The following PRKN variants were observed in gnomAD, a reference collection of about 807,000 sequenced individuals.
PRKN encodes the protein E3 ubiquitin-protein ligase parkin.
A neutral mutation model predicts 59.5 loss-of-function variants in PRKN; 56 were observed. That is an observed-to-expected ratio of 0.94 (90% confidence interval 0.76 to 1.18). PRKN has a LOEUF of 1.18. PRKN is among the 50% of genes most tolerant of loss of function. The pLI is 0.00. For missense variants in PRKN, 657 were observed against 596.4 expected, an observed-to-expected ratio of 1.10 and a Z score of -1.06; for synonymous variants, 250 against 222.1, an observed-to-expected ratio of 1.13 and a Z score of -1.12.
At chr6:161,936,477 G>A (rs186308191) in intron 6 of PRKN, among the ~76,000 whole-genome samples, 190 of 152,236 alleles carry the variant, frequency 1.2e-3, no homozygotes, top group African/African-American at 4.3e-3. Flanking sequence ...CCAAAGTGCT[G>A]GGATTACAGG....
At chr6:162,184,320 C>T (rs181847054) in intron 4 of PRKN, among the ~76,000 whole-genome samples, 1 of 152,262 alleles carries the variant, frequency 6.6e-6, no homozygotes, top group East Asian at 1.9e-4. Context: ...TGATTACTTC[C>T]AACATTTACA....
chr6:162,229,510 G>A (rs954280568), intron 3 of PRKN, among the ~76,000 whole-genome samples: 5 of 152,116 alleles, frequency 3.3e-5, no homozygotes, highest in Non-Finnish European at 7.4e-5. Flanking sequence ...TTTTCTTTTA[G>A]AAACATGAAT....
chr6:161,740,755 C>T (rs1418986694), intron 7 of PRKN, among the ~76,000 whole-genome samples: 1 of 152,184 alleles, frequency 6.6e-6, no homozygotes. Flanking sequence ...CACATCAAGA[C>T]CTTTGACTTG....
chr6:161,515,637 T>A lies in PRKN; in HGVS notation c.1083+33217A>T, dbSNP rs1040772677. Among the ~76,000 whole-genome samples, 3 of 152,326 alleles carry A rather than the reference T, an allele frequency of 2.0e-5. No individual in the cohort carries two copies. The East Asian group carries it at 5.8e-4, about 29-fold the overall frequency. ...ACAGCAAATCCTCCTTAGGACTGAT[T>A]TAAGCATTGAATAAATAAAGTTAAA... On this transcript the variant is annotated intron_variant, in intron 9 of 11. Coordinates refer to ENST00000366898, the MANE Select transcript of PRKN (RefSeq NM_004562.3).
intron 7 of PRKN, among the ~76,000 whole-genome samples, chr6:161,734,183 T>C (rs1179924532): frequency 3.3e-5 from 5 of 152,256 alleles, no homozygotes; most frequent in South Asian, 4.1e-4. Flanking sequence ...TCGGTTTTCC[T>C]GCAAATTTTA....
At chr6:161,909,453 A>C (rs1462226366) in intron 6 of PRKN, among the ~76,000 whole-genome samples, 1 of 152,262 alleles carries the variant, frequency 6.6e-6, no homozygotes, top group Admixed American at 6.5e-5. Flanking sequence ...AAAAAAAAGA[A>C]TCTCCAGTCG....
At chr6:161,856,861 C>T (rs35261474) in intron 6 of PRKN, among the ~76,000 whole-genome samples, 34,218 of 151,994 alleles carry the variant, frequency 0.23, 4,800 homozygotes, top group South Asian at 0.33. Context: ...TATATAAATA[C>T]TGAAAAATAT....
At position 161,463,924 on chromosome 6, in the gene PRKN, C is replaced by G. The variant is rs1355308729; in HGVS notation, c.1084-77047G>C. The stretch of plus-strand genomic sequence containing the variant: ...TCCATAGAGCTAGGATGGTAGACAT[C>G]AACATACAGAGACCTTTAGGGTTTT... On this transcript the variant is annotated intron_variant, in intron 9 of 11. Transcript: ENST00000366898. This position sits in a 1 kb window ranked among gnomAD's most constrained non-coding sequence, Gnocchi z 4.8. 6.6e-6 allele frequency among the ~76,000 whole-genome samples: 1 copy of G among 152,132 alleles called. No individual in the cohort carries two copies. The highest frequency in any genetic ancestry group is 2.4e-5 in the African/African-American group (1 of 41,422).
At chr6:162,463,701 G>C (rs1427025021) in intron 1 of PRKN, among the ~76,000 whole-genome samples, 1 of 152,096 alleles carries the variant, frequency 6.6e-6, no homozygotes, top group Non-Finnish European at 1.5e-5. Flanking sequence ...TCATGTCTTG[G>C]GGCCAATGTT....
rs1051174363 is a variant in PRKN at position 161,391,529 on chromosome 6, G to T, written c.1084-4652C>A. Among the ~76,000 whole-genome samples, 1 of 150,576 alleles carries T rather than the reference G, an allele frequency of 6.6e-6. No homozygotes were observed. Among genetic ancestry groups the T allele is most frequent in the African/African-American group, 2.4e-5 (1 of 40,920 alleles). On this transcript the variant is annotated intron_variant, in intron 9 of 11. Transcript: ENST00000366898. The surrounding 1 kb of genome is among the most constrained non-coding windows in gnomAD (Gnocchi z 4.9). ...GCTCTCTAAAGTCTATTCCCTTATA[G>T]ATTTGGTTAGAAGGCAATCAAACAC... is the stretch of plus-strand genomic sequence containing the variant.
At chr6:161,778,645 T>C (rs1583152428) in intron 7 of PRKN, among the ~76,000 whole-genome samples, 1 of 152,238 alleles carries the variant, frequency 6.6e-6, no homozygotes, top group East Asian at 1.9e-4. Context: ...AAGACAACAC[T>C]GGGGTCTGAC....
chr6:162,129,142 C>T (rs12208628), intron 4 of PRKN, among the ~76,000 whole-genome samples: 9,381 of 152,132 alleles, frequency 0.062, 413 homozygotes, highest in Non-Finnish European at 0.094. Flanking sequence ...TTCTCAAGAG[C>T]AAAAATTCCT....
chr6:162,654,690 C>T lies in PRKN; in HGVS notation c.7+72972G>A, dbSNP rs146664840. Among the ~76,000 whole-genome samples, 688 of 152,198 alleles carry T rather than the reference C, an allele frequency of 4.5e-3. 7 individuals carry two copies. The highest frequency in any genetic ancestry group is 0.015 in the African/African-American group (638 of 41,514). On this transcript the variant is annotated intron_variant, in intron 1 of 11. Coordinates refer to ENST00000366898, the MANE Select transcript of PRKN (RefSeq NM_004562.3). ...TTCTCATGCTGCCAGTGGAGACATA[C>T]CTGAGACTGGGTAATTTATTAATGA...
At chr6:162,529,570 G>A (rs1436891709) in intron 1 of PRKN, among the ~76,000 whole-genome samples, 1 of 152,144 alleles carries the variant, frequency 6.6e-6, no homozygotes, top group African/African-American at 2.4e-5. Flanking sequence ...AAGCTGAGCT[G>A]ACCCATCCAG....
chr6:161,961,633 C>T (rs1286674852), intron 6 of PRKN, among the ~76,000 whole-genome samples: 6 of 152,116 alleles, frequency 3.9e-5, no homozygotes, highest in African/African-American at 1.4e-4. Flanking sequence ...CCTTCACCTG[C>T]TAGAGAGTGT....
chr6:161,477,975 G>A (rs6937182), intron 9 of PRKN, among the ~76,000 whole-genome samples: 19 of 152,124 alleles, frequency 1.2e-4, no homozygotes, highest in African/African-American at 3.6e-4. Flanking sequence ...GCAAATGAAC[G>A]GTTGTACCTG....
At chr6:161,675,096 T>C (rs550915402) in intron 7 of PRKN, among the ~76,000 whole-genome samples, 5 of 152,310 alleles carry the variant, frequency 3.3e-5, no homozygotes, top group Middle Eastern at 3.4e-3. Flanking sequence ...CCTGGAGTCA[T>C]ACATCCCTGA....
chr6:162,021,438 A>AATATATATATATAT (rs1193427302), intron 5 of PRKN, among the ~76,000 whole-genome samples: 6 of 120,784 alleles, frequency 5.0e-5, no homozygotes, highest in African/African-American at 2.0e-4. Context: ...CATTACAGGG[A>AATATATATATATAT]ATATATATAT....
At chr6:161,607,490 AAAG>A (rs1782325103) in intron 7 of PRKN, among the ~76,000 whole-genome samples, 2 of 152,222 alleles carry the variant, frequency 1.3e-5, no homozygotes, top group South Asian at 4.1e-4. Context: ...ATAATGGTAT[AAAG>A]AAAAAATATT....
Sources: gnomAD v4.1 joint callset for allele counts (sites outside exome capture counted in the v4.1 genomes callset) on GRCh38, gnomAD v4.1.1 for gene constraint, Gnocchi (gnomAD v3.1) non-coding constraint, MANE v1.5 for transcripts, NCBI Gene and HGNC (gene_info 2026-07-23, HGNC 2026-07-21) for gene names.